GSE1: variants seen among roughly 807,000 people sequenced by gnomAD.
GSE1 encodes the protein genetic suppressor element 1.
GSE1 carries 32 observed loss-of-function variants against 112.6 expected under a neutral mutation model. That is an observed-to-expected ratio of 0.28 (90% CI 0.21 to 0.38). The LOEUF is 0.38. Ranked by LOEUF, GSE1 falls within the 10% of genes least tolerant of loss-of-function variation. The probability of loss-of-function intolerance (pLI) is 1.00; values close to 1 mark genes in which losing one functional copy is unlikely to be tolerated. For synonymous variants in GSE1, 1,115 were observed against 735.6 expected (o/e 1.52, Z -8.35); for missense variants, 2,348 against 1,699.2 (o/e 1.38, Z -6.71).
chr16:85,304,886 C>G (rs974478461), intron 1 of GSE1, among the ~76,000 whole-genome samples: 3 of 152,182 alleles, frequency 2.0e-5, no homozygotes, highest in Admixed American at 6.5e-5. Flanking sequence ...TTGCTTTAAC[C>G]TTTTGAGCCC....
intron 2 of GSE1, among the ~76,000 whole-genome samples, chr16:85,471,836 G>A (rs545044422): frequency 2.0e-5 from 3 of 152,258 alleles, no homozygotes; most frequent in Non-Finnish European, 2.9e-5. Flanking sequence ...TCAGCCTCCC[G>A]AGCAGCTGGG....
At chr16:85,478,183 G>A (rs542372012) in intron 2 of GSE1, among the ~76,000 whole-genome samples, 8 of 152,232 alleles carry the variant, frequency 5.3e-5, no homozygotes, top group South Asian at 2.1e-4. Context: ...CGGTTCGTCC[G>A]TGCAGCAGCG....
chr16:85,365,893 G>A (rs1326721333), intron 2 of GSE1, among the ~76,000 whole-genome samples: 3 of 152,270 alleles, frequency 2.0e-5, no homozygotes, highest in South Asian at 2.1e-4. Context: ...GTGGCAGATC[G>A]CCTCCCTGTG....
At chr16:85,357,536 C>A (rs778230284) in exon 2 of GSE1, 497 of 1,280,922 alleles carry the variant, frequency 3.9e-4, no homozygotes, top group Non-Finnish European at 4.8e-4. Context: ...CGGCCACGCG[C>A]CCCCACGGAG....
chr16:85,319,460 C>T (rs777143547), intron 1 of GSE1, among the ~76,000 whole-genome samples: 2 of 152,190 alleles, frequency 1.3e-5, no homozygotes, highest in African/African-American at 4.8e-5. Context: ...CGTCCTCACC[C>T]TTCCGTTCCA....
At chr16:85,570,825 C>T (rs943826690) in intron 1 of GSE1, among the ~76,000 whole-genome samples, 1 of 152,178 alleles carries the variant, frequency 6.6e-6, no homozygotes, top group Non-Finnish European at 1.5e-5. Flanking sequence ...AAGACCCTGC[C>T]GGACGCCGGA....
chr16:85,337,099 A>G (rs927366559), intron 1 of GSE1, among the ~76,000 whole-genome samples: 1 of 152,204 alleles, frequency 6.6e-6, no homozygotes, highest in African/African-American at 2.4e-5. Flanking sequence ...GGCTGGCGAC[A>G]GAGTGCAGAC....
intron 1 of GSE1, among the ~76,000 whole-genome samples, chr16:85,573,965 G>A (rs2046114434): frequency 6.6e-6 from 1 of 152,206 alleles, no homozygotes; most frequent in Admixed American, 6.5e-5. Context: ...TCGGGCAGAC[G>A]TGGCGCCGTC....
rs2053448251 is a variant in GSE1 at position 85,672,735 on chromosome 16, C to T, written c.*196C>T. 4.8e-6 allele frequency: 2 copies of T among 417,604 alleles called. No individual in the cohort carries two copies. The highest frequency in any genetic ancestry group is 4.0e-5 in the African/African-American group (2 of 49,998). 25.9% of individuals were successfully genotyped at this position (417,604 alleles called of 1,614,324 possible). On this transcript the variant is annotated 3_prime_UTR_variant, in exon 16 of 16. Coordinates refer to ENST00000253458, the MANE Select transcript of GSE1 (RefSeq NM_014615.5). The stretch of plus-strand genomic sequence containing the variant: ...GTCAATGCAATTGAATCACCGTTGT[C>T]ATTCAGCGAGCAACCAATGTAGGAT...
At chr16:85,667,997 C>T (rs143761171) in intron 13 of GSE1, 143 bp from the exon 14 acceptor site, 3 of 644,302 alleles carry the variant, frequency 4.7e-6, no homozygotes, top group Admixed American at 2.6e-5. Context: ...CTAGGTCCCT[C>T]CTCTCTACGC....
At position 85,574,098 on chromosome 16, in the gene GSE1, A is replaced by G. The variant is rs540953101; in HGVS notation, c.37+17735A>G. Reference sequence around the variant, plus strand: ...CCAGGCCTCCCGTCTGGTCCTGACAAGCAGCCCCCGGAGCCTGAGTTTTTC... The same window carrying G: ...CCAGGCCTCCCGTCTGGTCCTGACAGGCAGCCCCCGGAGCCTGAGTTTTTC... On this transcript the variant is annotated intron_variant, in intron 1 of 2. Transcript: ENST00000635906. 2.9e-3 allele frequency among the ~76,000 whole-genome samples: 449 copies of G among 152,308 alleles called. 13 individuals are homozygous for G. Among genetic ancestry groups the G allele is most frequent in the Admixed American group, 0.027 (410 of 15,308 alleles).
In GSE1 at chr16:85,519,683, TCAC is replaced by T. The variant is rs2052108480; in HGVS notation, c.2465-114225_2465-114223del. ...ACCATCACCACAGTCTCCATCACCT[TCAC>T]CACCATCACCACAGTCTCCATCACT... On this transcript the variant is annotated intron_variant, in intron 2 of 2. Coordinates refer to the GSE1 transcript ENST00000637419. Among the ~76,000 whole-genome samples, 7 of 107,280 alleles carry T rather than the reference TCAC, an allele frequency of 6.5e-5. No homozygotes were observed. The South Asian group carries it at 2.2e-3, about 34-fold the overall frequency. 70.4% of individuals were successfully genotyped at this position (107,280 alleles called of 152,430 possible). A position where few individuals can be genotyped will look rare whatever the true frequency, so the allele number is the denominator to read the frequency against.
intron 1 of GSE1, among the ~76,000 whole-genome samples, chr16:85,202,495 C>T (rs1037794661): frequency 2.4e-4 from 37 of 152,318 alleles, no homozygotes; most frequent in Middle Eastern, 3.4e-3. Context: ...AACTCCTGGG[C>T]TCATGGTGGC....
intron 2 of GSE1, among the ~76,000 whole-genome samples, chr16:85,480,840 C>T (rs935575972): frequency 2.0e-5 from 3 of 152,138 alleles, no homozygotes; most frequent in African/African-American, 7.2e-5. Context: ...GACCTGAGGC[C>T]CAGAGACCTC....
At chr16:85,187,206 A>G (rs190337350) in intron 1 of GSE1, among the ~76,000 whole-genome samples, 4 of 152,332 alleles carry the variant, frequency 2.6e-5, no homozygotes, top group African/African-American at 9.6e-5. Flanking sequence ...AGGAGGCATG[A>G]TGGGATCCCT....
chr16:85,635,042 G>A (rs758529517), intron 2 of GSE1, among the ~76,000 whole-genome samples: 14 of 152,148 alleles, frequency 9.2e-5, no homozygotes, highest in Non-Finnish European at 1.6e-4. Flanking sequence ...AGGGCCCTCC[G>A]GGGTGGCCAC....
intron 1 of GSE1, among the ~76,000 whole-genome samples, chr16:85,564,535 G>A (rs1303593863): frequency 6.6e-6 from 1 of 152,184 alleles, no homozygotes; most frequent in Non-Finnish European, 1.5e-5. Context: ...CCACAGAGCG[G>A]AGGTGACATT....
intron 1 of GSE1, among the ~76,000 whole-genome samples, chr16:85,321,197 A>G (rs1021133660): frequency 6.6e-6 from 1 of 152,190 alleles, no homozygotes; most frequent in Non-Finnish European, 1.5e-5. Context: ...GTAGGTGCTC[A>G]ACTCCATCTG....
At chr16:85,272,410 C>T (rs1252962584) in intron 1 of GSE1, among the ~76,000 whole-genome samples, 3 of 152,112 alleles carry the variant, frequency 2.0e-5, no homozygotes, top group Non-Finnish European at 4.4e-5. Flanking sequence ...TTTGTTTCTA[C>T]TTATTGGGTG....
Sources: gnomAD v4.1 joint callset for allele counts (sites outside exome capture counted in the v4.1 genomes callset) on GRCh38, gnomAD v4.1.1 for gene constraint, MANE v1.5 for transcripts, NCBI Gene and HGNC (gene_info 2026-07-23, HGNC 2026-07-21) for gene names.